The following SERINC5 variants were observed in gnomAD, a reference collection of about 807,000 sequenced individuals.
SERINC5 encodes the protein chromosome 5 open reading frame 12.
A neutral mutation model predicts 63.1 loss-of-function variants in SERINC5; 41 were observed. That is an observed-to-expected ratio of 0.65 (90% CI 0.51 to 0.84). SERINC5 has a LOEUF of 0.84. SERINC5 is among the 40% of genes least tolerant of loss of function. The probability of loss-of-function intolerance (pLI) is 0.00; values close to 1 mark genes in which losing one functional copy is unlikely to be tolerated. For missense variants in SERINC5, 523 were observed against 573.0 expected (o/e 0.91, Z 0.89); for synonymous variants, 222 against 215.2 (o/e 1.03, Z -0.28).
chr5:80,116,991 T>C lies in SERINC5; in HGVS notation c.1239-3366A>G, dbSNP rs1744352601. On this transcript the variant is annotated intron_variant, in intron 11 of 12. Transcript: ENST00000509193. ...TTACAGGCGAGTGCCACCAGGCCCATCTAATTTTTTGTGTTTTTTAGTAGA... is the reference window on the plus strand; with the variant it reads ...TTACAGGCGAGTGCCACCAGGCCCACCTAATTTTTTGTGTTTTTTAGTAGA... Among the ~76,000 whole-genome samples the C allele has an allele frequency of 2.0e-5, 3 of 151,758 alleles. No homozygotes were observed. In the South Asian group the frequency reaches 6.2e-4, roughly 31 times the overall value.
chr5:80,143,467 T>G lies in SERINC5; in HGVS notation c.*196A>C. 7.5e-7 allele frequency: 1 copy of G among 1,329,640 alleles called. No homozygotes were observed. The highest frequency in any genetic ancestry group is 9.6e-7 in the Non-Finnish European group (1 of 1,042,450). The allele number at this position is 1,329,640 out of a possible 1,614,324, so 82.4% of individuals were successfully genotyped here. ...GATCAGTTTGGTTGAAAATTTCAATTCCTTTGGGACAAACTGGTAGTTTCT... is the reference window on the plus strand; with the variant it reads ...GATCAGTTTGGTTGAAAATTTCAATGCCTTTGGGACAAACTGGTAGTTTCT... On this transcript the variant is annotated 3_prime_UTR_variant, in exon 12 of 12. Coordinates refer to ENST00000507668, the MANE Select transcript of SERINC5 (RefSeq NM_001174072.3).
In SERINC5 at chr5:80,141,516, A is replaced by C; in HGVS notation, c.*2147T>G. The C allele has an allele frequency of 1.0e-6, 1 of 985,580 alleles. No individual in the cohort carries two copies. Among genetic ancestry groups the C allele is most frequent in the Non-Finnish European group, 1.2e-6 (1 of 830,036 alleles). The allele number at this position is 985,580 out of a possible 1,614,324, so 61.1% of individuals were successfully genotyped here. ...CAGACCCAGCCGAGAGGACAAAGCA[A>C]GGGCTCTGCTAGACCTCAGCAGGAG... On this transcript the variant is annotated 3_prime_UTR_variant, in exon 12 of 12. Transcript: ENST00000507668.
intron 1 of SERINC5, among the ~76,000 whole-genome samples, chr5:80,253,537 A>G (rs1170712934): frequency 2.0e-5 from 3 of 152,170 alleles, no homozygotes; most frequent in Admixed American, 1.3e-4. Context: ...CACTGCAACC[A>G]GAATTAAATC....
At chr5:80,235,277 A>G (rs566226707) in intron 1 of SERINC5, among the ~76,000 whole-genome samples, 2 of 152,298 alleles carry the variant, frequency 1.3e-5, no homozygotes, top group South Asian at 2.1e-4. Flanking sequence ...TTCCTTCTTT[A>G]TTAAGGCTGT....
At chr5:80,196,715 G>A (rs1300704644) in intron 2 of SERINC5, among the ~76,000 whole-genome samples, 1 of 152,156 alleles carries the variant, frequency 6.6e-6, no homozygotes, top group East Asian at 1.9e-4. Flanking sequence ...AAGGCGGGCA[G>A]ATCACTTGAG....
intron 1 of SERINC5, among the ~76,000 whole-genome samples, chr5:80,213,742 G>T (rs1750540048): frequency 1.3e-5 from 2 of 152,204 alleles, no homozygotes; most frequent in South Asian, 4.1e-4. Context: ...CTTGCCCCAA[G>T]CAGCTCAACC....
At position 80,140,860 on chromosome 5, in the gene SERINC5, T is replaced by C. The variant is rs1745466718; in HGVS notation, c.*2803A>G. The C allele has an allele frequency of 2.0e-6, 2 of 985,296 alleles. No homozygotes were observed. The highest frequency in any genetic ancestry group is 1.2e-6 in the Non-Finnish European group (1 of 829,938). The allele number at this position is 985,296 out of a possible 1,614,324, so 61.0% of individuals were successfully genotyped here. On this transcript the variant is annotated 3_prime_UTR_variant, in exon 12 of 12. Transcript: ENST00000507668. ...CCTCTTCAACTGTCATCCCTAAATG[T>C]GTCTGACCAGCAGCTTCTGGGAATA... is the stretch of plus-strand genomic sequence containing the variant.
intron 2 of SERINC5, among the ~76,000 whole-genome samples, chr5:80,194,278 T>C (rs78515503): frequency 4.5e-3 from 689 of 152,130 alleles, no homozygotes; most frequent in African/African-American, 0.015. Context: ...AGAGTTCTAC[T>C]TGAGGCTTCA....
intron 1 of SERINC5, among the ~76,000 whole-genome samples, chr5:80,209,610 G>GACTA (rs1276054552): frequency 5.9e-5 from 9 of 151,880 alleles, no homozygotes; most frequent in Admixed American, 5.9e-4. Context: ...CACTAACACT[G>GACTA]ACTACCCGAG....
intron 1 of SERINC5, among the ~76,000 whole-genome samples, chr5:80,236,175 C>T (rs1022266138): frequency 6.6e-6 from 1 of 152,262 alleles, no homozygotes; most frequent in South Asian, 2.1e-4. Flanking sequence ...CCCAAAACTA[C>T]AACATCTAAC....
intron 1 of SERINC5, among the ~76,000 whole-genome samples, chr5:80,255,376 A>C (rs913917459): frequency 6.6e-6 from 1 of 152,042 alleles, no homozygotes; most frequent in Non-Finnish European, 1.5e-5. Flanking sequence ...GGTAGTTTGG[A>C]AGTCAGGCTT....
intron 1 of SERINC5, among the ~76,000 whole-genome samples, chr5:80,244,199 G>A (rs1752065720): frequency 2.6e-5 from 4 of 151,482 alleles, no homozygotes; most frequent in Non-Finnish European, 4.4e-5. Flanking sequence ...GGAAACTGAG[G>A]CTGCCAAAAC....
At position 80,143,813 on chromosome 5, in the gene SERINC5, G is replaced by A. The variant is rs2112295387; in HGVS notation, c.1239-3C>T. On this transcript the variant is annotated splice_region_variant and splice_polypyrimidine_tract_variant and intron_variant, in intron 11 of 11. Transcript: ENST00000507668. Reference sequence around the variant, plus strand: ...TCTCGATGTTGGCACTTTCGTAGCTGTGGAAACAAGACACCTAGCCGCGGT... The same window carrying A: ...TCTCGATGTTGGCACTTTCGTAGCTATGGAAACAAGACACCTAGCCGCGGT... The A allele has an allele frequency of 1.3e-6, 2 of 1,536,026 alleles. No individual in the cohort carries two copies. Among genetic ancestry groups the A allele is most frequent in the Non-Finnish European group, 1.7e-6 (2 of 1,146,768 alleles).
chr5:80,221,862 A>G (rs1388925578), intron 1 of SERINC5, among the ~76,000 whole-genome samples: 1 of 151,956 alleles, frequency 6.6e-6, no homozygotes, highest in African/African-American at 2.4e-5. Context: ...GGATACCTTT[A>G]ATGGCCAGAC....
intron 8 of SERINC5, among the ~76,000 whole-genome samples, chr5:80,154,643 C>G (rs962143510): frequency 2.0e-5 from 3 of 152,066 alleles, no homozygotes; most frequent in African/African-American, 7.2e-5. Context: ...AATATTCTTC[C>G]TTGATTTCCC....
rs202160172 is a variant in SERINC5 at position 80,120,703 on chromosome 5, T to G, written c.1239-7078A>C. Among the ~76,000 whole-genome samples, 15 of 151,888 alleles carry G rather than the reference T, an allele frequency of 9.9e-5. 1 individual carries two copies. In the East Asian group the frequency reaches 2.7e-3, roughly 28 times the overall value. ...GGGGGCAGGCGCCTGTAATCCCAGCTATTCGGGTGGCTGAGGCACAAGAAT... is the reference window on the plus strand; with the variant it reads ...GGGGGCAGGCGCCTGTAATCCCAGCGATTCGGGTGGCTGAGGCACAAGAAT... On this transcript the variant is annotated intron_variant, in intron 11 of 12. Coordinates refer to the SERINC5 transcript ENST00000509193.
intron 1 of SERINC5, among the ~76,000 whole-genome samples, chr5:80,223,542 A>G (rs1412479921): frequency 6.6e-6 from 1 of 152,190 alleles, no homozygotes; most frequent in Non-Finnish European, 1.5e-5. Context: ...ATAAAATTAT[A>G]ACTGGTTAGT....
intron 1 of SERINC5, among the ~76,000 whole-genome samples, chr5:80,229,768 C>T (rs1248812593): frequency 1.3e-5 from 2 of 152,202 alleles, no homozygotes; most frequent in Non-Finnish European, 2.9e-5. Context: ...TTAATGTTAG[C>T]TTGCATGCAT....
At chr5:80,120,237 G>A (rs1474268146) in intron 11 of SERINC5, among the ~76,000 whole-genome samples, 3 of 152,098 alleles carry the variant, frequency 2.0e-5, no homozygotes, top group African/African-American at 7.2e-5. Flanking sequence ...AGCCAGGCAC[G>A]GCCACACTAG....
Sources: gnomAD v4.1 joint callset for allele counts (sites outside exome capture counted in the v4.1 genomes callset) on GRCh38, gnomAD v4.1.1 for gene constraint, MANE v1.5 for transcripts, NCBI Gene and HGNC (gene_info 2026-07-23, HGNC 2026-07-21) for gene names.